MACROD2: variants seen among roughly 807,000 people sequenced by gnomAD.
The protein encoded by MACROD2 is ADP-ribose glycohydrolase MACROD2.
In MACROD2, 36 loss-of-function variants were observed where a neutral mutation model predicts 70.4. The ratio of observed to expected loss-of-function variants is 0.51; its 90% CI spans 0.39 to 0.68. The LOEUF (loss-of-function observed/expected upper bound fraction) is 0.68. Among genes scored for constraint, MACROD2 ranks in the 30% least tolerant of loss-of-function variants. MACROD2 has a pLI of 0.00. For synonymous variants in MACROD2, 172 were observed against 178.8 expected (o/e 0.96, Z 0.30); for missense variants, 496 against 538.4 (o/e 0.92, Z 0.78).
At chr20:15,371,837 A>T (rs756601917) in intron 6 of MACROD2, among the ~76,000 whole-genome samples, 3 of 152,140 alleles carry the variant, frequency 2.0e-5, no homozygotes, top group Non-Finnish European at 4.4e-5. Flanking sequence ...CTCCAGACAT[A>T]TTTCTGTTGT....
intron 8 of MACROD2, among the ~76,000 whole-genome samples, chr20:15,546,375 A>G (rs1380099111): frequency 6.6e-6 from 1 of 152,286 alleles, no homozygotes. Flanking sequence ...CAAGTTTCTC[A>G]TAATATTATT....
At chr20:15,443,311 AAGAG>A (rs869309285) in intron 7 of MACROD2, among the ~76,000 whole-genome samples, 4 of 86,148 alleles carry the variant, frequency 4.6e-5, no homozygotes, top group African/African-American at 7.3e-5. Context: ...ATTACAGAGA[AAGAG>A]AGAGAAAATG....
intron 8 of MACROD2, among the ~76,000 whole-genome samples, chr20:15,849,828 C>T (rs1413958095): frequency 6.6e-6 from 1 of 152,082 alleles, no homozygotes; most frequent in Non-Finnish European, 1.5e-5. Flanking sequence ...GACATGAGCG[C>T]TGCATGTGTG....
At chr20:15,569,988 C>T (rs540294068) in intron 8 of MACROD2, among the ~76,000 whole-genome samples, 1 of 152,016 alleles carries the variant, frequency 6.6e-6, no homozygotes, top group Admixed American at 6.6e-5. Context: ...ATTTTATTTC[C>T]TTTGGATATC....
intron 5 of MACROD2, among the ~76,000 whole-genome samples, chr20:15,101,525 G>C (rs1345091666): frequency 1.6e-4 from 1 of 6,340 alleles, no homozygotes; most frequent in African/African-American, 9.3e-4. Flanking sequence ...GATAACCCAG[G>C]TGTTGGTTCA....
chr20:14,127,834 C>A, intron 3 of MACROD2: 1 of 465,360 alleles, frequency 2.1e-6, no homozygotes, highest in South Asian at 1.7e-5. Context: ...AAACAGCAAT[C>A]AATAGCAGGA....
intron 5 of MACROD2, among the ~76,000 whole-genome samples, chr20:14,702,092 A>G (rs989559082): frequency 6.6e-6 from 1 of 152,062 alleles, no homozygotes; most frequent in African/African-American, 2.4e-5. Flanking sequence ...TCTTATTGAT[A>G]TGTTTCTTTT....
At chr20:15,540,411 G>A (rs1400975056) in intron 8 of MACROD2, among the ~76,000 whole-genome samples, 1 of 152,178 alleles carries the variant, frequency 6.6e-6, no homozygotes, top group Non-Finnish European at 1.5e-5. Flanking sequence ...GTGAGGCAAG[G>A]AATCAGAAGA....
intron 4 of MACROD2, among the ~76,000 whole-genome samples, chr20:14,522,270 A>G (rs2085177662): frequency 6.6e-6 from 1 of 152,190 alleles, no homozygotes; most frequent in South Asian, 2.1e-4. Flanking sequence ...CAGGTTGGGT[A>G]GTGTAGTCAA....
chr20:15,013,412 A>G (rs1426331878), intron 5 of MACROD2, among the ~76,000 whole-genome samples: 2 of 152,076 alleles, frequency 1.3e-5, no homozygotes, highest in Non-Finnish European at 2.9e-5. Flanking sequence ...ACCACCCCCT[A>G]CTTTAGGAAT....
At chr20:14,110,804 C>A (rs1156903355) in intron 3 of MACROD2, among the ~76,000 whole-genome samples, 1 of 151,888 alleles carries the variant, frequency 6.6e-6, no homozygotes, top group East Asian at 1.9e-4. Flanking sequence ...CTACCCAAAG[C>A]AATCTATAGA....
chr20:15,222,265 CGGCAG>C (rs2076868660), intron 5 of MACROD2, among the ~76,000 whole-genome samples: 1 of 152,052 alleles, frequency 6.6e-6, no homozygotes, highest in Admixed American at 6.5e-5. Context: ...ATGATATCTT[CGGCAG>C]ATTGAAAAGG....
At chr20:14,652,191 G>C (rs1471316015) in intron 4 of MACROD2, among the ~76,000 whole-genome samples, 1 of 151,920 alleles carries the variant, frequency 6.6e-6, no homozygotes, top group African/African-American at 2.4e-5. Flanking sequence ...GTTGACTGTT[G>C]GGAATTCCTA....
intron 3 of MACROD2, among the ~76,000 whole-genome samples, chr20:14,363,816 C>CAAAAAAAAAAAAAAAAA (rs569929488): frequency 4.2e-5 from 3 of 71,560 alleles, no homozygotes; most frequent in Admixed American, 2.1e-4. Context: ...GACTCTGTCT[C>CAAAAAAAAAAAAAAAAA]AAAAAAAAAA....
intron 8 of MACROD2, among the ~76,000 whole-genome samples, chr20:15,668,300 A>C (rs1353064397): frequency 6.6e-6 from 1 of 150,996 alleles, no homozygotes; most frequent in Non-Finnish European, 1.5e-5. Context: ...ACGGTGGCTC[A>C]TACCTGTAAT....
chr20:14,931,279 G>A (rs2074293715), intron 5 of MACROD2, among the ~76,000 whole-genome samples: 1 of 152,102 alleles, frequency 6.6e-6, no homozygotes, highest in African/African-American at 2.4e-5. Context: ...CTCGGAATGG[G>A]AGGCTGGATA....
intron 3 of MACROD2, among the ~76,000 whole-genome samples, chr20:14,278,525 C>G (rs1164788466): frequency 6.6e-6 from 1 of 152,194 alleles, no homozygotes; most frequent in Non-Finnish European, 1.5e-5. Flanking sequence ...TTTTAGCCAT[C>G]TCTTTTTCAG....
At chr20:15,641,465 A>G (rs866708660) in intron 8 of MACROD2, among the ~76,000 whole-genome samples, 6 of 152,330 alleles carry the variant, frequency 3.9e-5, no homozygotes, top group Middle Eastern at 3.4e-3. Flanking sequence ...TTTCTGGAGA[A>G]TCCGTGGTCT....
chr20:14,060,696 T>C lies in MACROD2; in HGVS notation c.164-24925T>C, dbSNP rs539155100. Among the ~76,000 whole-genome samples the C allele has an allele frequency of 2.6e-5, 4 of 152,282 alleles. No individual in the cohort carries two copies. In the South Asian group the frequency reaches 8.3e-4, roughly 32 times the overall value. ...CAGTGCCAGTCCACTTATGCTATTA[T>C]GTTATTTCTCTTGGGTTATTGTGAC... is the stretch of plus-strand genomic sequence containing the variant. On this transcript the variant is annotated intron_variant, in intron 2 of 17. Coordinates refer to ENST00000684519, the MANE Select transcript of MACROD2 (RefSeq NM_001351661.2).
Sources: gnomAD v4.1 joint callset for allele counts (sites outside exome capture counted in the v4.1 genomes callset) on GRCh38, gnomAD v4.1.1 for gene constraint, MANE v1.5 for transcripts, NCBI Gene and HGNC (gene_info 2026-07-23, HGNC 2026-07-21) for gene names.